IQCH: variants seen among roughly 807,000 people sequenced by gnomAD.
IQCH encodes IQ domain-containing protein H.
Under a neutral mutation model 117.0 loss-of-function variants are expected in IQCH, and 98 were observed. That is an observed-to-expected ratio of 0.84 (90% CI 0.71 to 0.99). The LOEUF (loss-of-function observed/expected upper bound fraction) is 0.99. Ranked by LOEUF, IQCH falls within the 50% of genes least tolerant of loss-of-function variation. IQCH has a pLI of 0.00. For synonymous variants in IQCH, 412 were observed against 448.2 expected, an observed-to-expected ratio of 0.92 and a Z score of 1.02; for missense variants, 1,102 against 1,243.8, an observed-to-expected ratio of 0.89 and a Z score of 1.72.
chr15:67,404,007 C>G lies in IQCH; in HGVS notation c.2097+3702C>G, dbSNP rs776817936. On this transcript the variant is annotated intron_variant, in intron 14 of 20. Transcript: ENST00000335894. This position sits in a 1 kb window ranked among gnomAD's most constrained non-coding sequence, Gnocchi z 4.6. ...TGGTCTTGGCATTACTATTTTACCA[C>G]TTAATGAGAAATAGGAAATTGAACT... 2.6e-5 allele frequency: 4 copies of G among 152,216 alleles called. No homozygotes were observed. Among genetic ancestry groups the G allele is most frequent in the Non-Finnish European group, 5.9e-5 (4 of 68,034 alleles). The allele number at this position is 152,216 out of a possible 1,614,324, so 9.4% of individuals were successfully genotyped here.
intron 14 of IQCH, among the ~76,000 whole-genome samples, chr15:67,402,173 T>C (rs1320059107): frequency 2.0e-5 from 3 of 152,242 alleles, no homozygotes; most frequent in African/African-American, 7.2e-5. Context: ...CATTTGGCAC[T>C]GTTGTTAATG....
Position 67,459,494 on chromosome 15 carries a change from G to A in IQCH, c.2506-5633G>A, listed in dbSNP as rs945650152. Among the ~76,000 whole-genome samples, 4 of 152,206 alleles carry A rather than the reference G, an allele frequency of 2.6e-5. No individual in the cohort carries two copies. Among genetic ancestry groups the A allele is most frequent in the African/African-American group, 9.6e-5 (4 of 41,452 alleles). On this transcript the variant is annotated intron_variant, in intron 16 of 20. Transcript: ENST00000335894. This position sits in a 1 kb window ranked among gnomAD's most constrained non-coding sequence, Gnocchi z 4.2. Reference sequence around the variant, plus strand: ...TCACCAGAAAGAGGCAGAAGCAGCAGGGGTGAGCAGGCAGCCTCCATCTGC... The same window carrying A: ...TCACCAGAAAGAGGCAGAAGCAGCAAGGGTGAGCAGGCAGCCTCCATCTGC...
chr15:67,261,075 A>G (rs1181688051), intron 1 of IQCH, among the ~76,000 whole-genome samples, 197 bp from the exon 2 acceptor site: 1 of 144,772 alleles, frequency 6.9e-6, no homozygotes, highest in East Asian at 2.1e-4. Flanking sequence ...CAGTCTGAGC[A>G]AGAGTGAAAT....
rs2083626706 is a variant in IQCH, at chr15:67,490,690, T to C, written c.2861+626T>C. 6.6e-6 allele frequency among the ~76,000 whole-genome samples: 1 copy of C among 152,126 alleles called. No individual in the cohort carries two copies. The highest frequency in any genetic ancestry group is 2.1e-4 in the South Asian group (1 of 4,816). Reference sequence around the variant, plus strand: ...CAGTTGTCCTGCCTGTGGAAGGCAGTTGTCATTCTGGCATACTTAGAAAAG... The same window carrying C: ...CAGTTGTCCTGCCTGTGGAAGGCAGCTGTCATTCTGGCATACTTAGAAAAG... On this transcript the variant is annotated intron_variant, in intron 19 of 20. Transcript: ENST00000335894. The surrounding 1 kb of genome is among the most constrained non-coding windows in gnomAD (Gnocchi z 4.9).
chr15:67,424,608 A>G lies in IQCH; in HGVS notation c.2505+3031A>G, dbSNP rs1197998420. On this transcript the variant is annotated intron_variant, in intron 16 of 20. Transcript: ENST00000335894. The surrounding 1 kb of genome is among the most constrained non-coding windows in gnomAD (Gnocchi z 4.9). ...TATTTGTTGACTGAATGAATGAACAATGGAGGAGTTCTAGCAGATGCTGGA... is the reference window on the plus strand; with the variant it reads ...TATTTGTTGACTGAATGAATGAACAGTGGAGGAGTTCTAGCAGATGCTGGA... Among the ~76,000 whole-genome samples, 2 of 152,208 alleles carry G rather than the reference A, an allele frequency of 1.3e-5. No individual in the cohort carries two copies. Among genetic ancestry groups the G allele is most frequent in the Non-Finnish European group, 1.5e-5 (1 of 68,032 alleles).
At chr15:67,310,914 A>T (rs1400955528) in intron 4 of IQCH, among the ~76,000 whole-genome samples, 1 of 152,156 alleles carries the variant, frequency 6.6e-6, no homozygotes, top group Non-Finnish European at 1.5e-5. Flanking sequence ...GTGATAGAAC[A>T]TCCTAAAATG....
chr15:67,357,133 A>G (rs985177763), intron 6 of IQCH, among the ~76,000 whole-genome samples: 2 of 152,200 alleles, frequency 1.3e-5, no homozygotes, highest in East Asian at 1.9e-4. Context: ...CTGACTTTGT[A>G]TTCTAATAGA....
chr15:67,306,655 CCA>C (rs1967312159), intron 4 of IQCH, among the ~76,000 whole-genome samples: 1 of 152,052 alleles, frequency 6.6e-6, no homozygotes, highest in African/African-American at 2.4e-5. Context: ...ATACCCCCTG[CCA>C]CACACACATA....
intron 16 of IQCH, among the ~76,000 whole-genome samples, chr15:67,429,222 A>G (rs147562828): frequency 3.9e-5 from 6 of 152,346 alleles, no homozygotes; most frequent in African/African-American, 1.4e-4. Context: ...AAAAGTAAAC[A>G]TGTATTATAG....
Position 67,481,574 on chromosome 15 carries a change from C to T in IQCH, c.2799+5756C>T, listed in dbSNP as rs1015902660. Reference sequence around the variant, plus strand: ...CCAAACCATATCAAGTACATATTTGCATTCAGAGAGACTCTCTCAGGAAAA... The same window carrying T: ...CCAAACCATATCAAGTACATATTTGTATTCAGAGAGACTCTCTCAGGAAAA... On this transcript the variant is annotated intron_variant, in intron 18 of 20. Transcript: ENST00000335894. This position sits in a 1 kb window ranked among gnomAD's most constrained non-coding sequence, Gnocchi z 4.1. Among the ~76,000 whole-genome samples the T allele has an allele frequency of 7.9e-5, 12 of 152,096 alleles. No homozygotes were observed. The highest frequency in any genetic ancestry group is 2.7e-4 in the African/African-American group (11 of 41,410).
In IQCH at chr15:67,465,588, T is replaced by A. The variant is rs1567211629; in HGVS notation, c.2676+291T>A. Among the ~76,000 whole-genome samples, 1 of 152,150 alleles carries A rather than the reference T, an allele frequency of 6.6e-6. No individual in the cohort carries two copies. Among genetic ancestry groups the A allele is most frequent in the Non-Finnish European group, 1.5e-5 (1 of 68,024 alleles). On this transcript the variant is annotated intron_variant, in intron 17 of 20. Coordinates refer to ENST00000335894, the MANE Select transcript of IQCH (RefSeq NM_001031715.3). The surrounding 1 kb of genome is among the most constrained non-coding windows in gnomAD (Gnocchi z 5.9). ...ACCCATTGCCTCAACTACAAGCTGT[T>A]TCACACAAAACCCATATTTTTCTAG...
chr15:67,395,686 G>A lies in IQCH; in HGVS notation c.1905+123G>A. On this transcript the variant is annotated intron_variant, in intron 13 of 20. Transcript: ENST00000335894. This position sits in a 1 kb window ranked among gnomAD's most constrained non-coding sequence, Gnocchi z 4.0. ...GAAGAATAGGTGGAATATTTGAGTT[G>A]ATTTGAGGGAATCTACTTTATTTAT... The A allele has an allele frequency of 1.8e-6, 1 of 543,876 alleles. No individual in the cohort carries two copies. The highest frequency in any genetic ancestry group is 4.0e-5 in the South Asian group (1 of 25,154). 33.7% of individuals were successfully genotyped at this position (543,876 alleles called of 1,614,324 possible). A position where few individuals can be genotyped will look rare whatever the true frequency, so the allele number is the denominator to read the frequency against.
intron 16 of IQCH, among the ~76,000 whole-genome samples, chr15:67,451,296 G>T (rs945761466): frequency 6.6e-6 from 1 of 151,964 alleles, no homozygotes; most frequent in Non-Finnish European, 1.5e-5. Context: ...TGCTTTTCTA[G>T]TTCTTTTAAT....
At chr15:67,320,687 A>G (rs1451788264) in intron 4 of IQCH, among the ~76,000 whole-genome samples, 1 of 152,188 alleles carries the variant, frequency 6.6e-6, no homozygotes, top group Non-Finnish European at 1.5e-5. Context: ...GTCTTTTATT[A>G]ATAGCTTTAC....
At chr15:67,304,061 C>T (rs533848306) in intron 4 of IQCH, among the ~76,000 whole-genome samples, 4 of 152,190 alleles carry the variant, frequency 2.6e-5, no homozygotes, top group Admixed American at 2.6e-4. Context: ...CTTTGCCCAC[C>T]TTGGTTGGCT....
rs557941152 is a variant in IQCH at position 67,430,076 on chromosome 15, A to C, written c.2505+8499A>C. Among the ~76,000 whole-genome samples the C allele has an allele frequency of 1.9e-4, 29 of 152,288 alleles. No homozygotes were observed. Among genetic ancestry groups the C allele is most frequent in the Middle Eastern group, 6.8e-3 (2 of 294 alleles). On this transcript the variant is annotated intron_variant, in intron 16 of 20. Transcript: ENST00000335894. This position sits in a 1 kb window ranked among gnomAD's most constrained non-coding sequence, Gnocchi z 5.1. ...TTTAGGTCCAGGATTTTGGTACCCT[A>C]GAAATGGGGAAATTCTAGGCCTTCA...
rs533193226 is a variant in IQCH at position 67,459,062 on chromosome 15, T to C, written c.2506-6065T>C. Among the ~76,000 whole-genome samples the C allele has an allele frequency of 1.1e-4, 16 of 152,128 alleles. No individual in the cohort carries two copies. The highest frequency in any genetic ancestry group is 2.6e-4 in the Admixed American group (4 of 15,264). On this transcript the variant is annotated intron_variant, in intron 16 of 20. Transcript: ENST00000335894. The surrounding 1 kb of genome is among the most constrained non-coding windows in gnomAD (Gnocchi z 4.2). ...CACCCAGACTACTATCCCCAGTGAG[T>C]GATTAGTTAAGGAAAGTGTGGCCCG...
At chr15:67,304,301 T>C (rs1163658167) in intron 4 of IQCH, 25 of 1,055,542 alleles carry the variant, frequency 2.4e-5, no homozygotes, top group Non-Finnish European at 3.3e-5. Context: ...GCATTTTTGT[T>C]CATCCAGCAT....
At position 67,474,787 on chromosome 15, in the gene IQCH, C is replaced by T. The variant is rs1186568439; in HGVS notation, c.2677-909C>T. 2.0e-5 allele frequency among the ~76,000 whole-genome samples: 3 copies of T among 152,140 alleles called. No individual in the cohort carries two copies. The highest frequency in any genetic ancestry group is 4.4e-5 in the Non-Finnish European group (3 of 68,018). ...CAGAGAAATCTGTAAAGTTTTTTCA[C>T]AAGCTTCAAAAGCCACTGTAGCCAG... On this transcript the variant is annotated intron_variant, in intron 17 of 20. Transcript: ENST00000335894. This position sits in a 1 kb window ranked among gnomAD's most constrained non-coding sequence, Gnocchi z 4.1.
Sources: gnomAD v4.1 joint callset for allele counts (sites outside exome capture counted in the v4.1 genomes callset) on GRCh38, gnomAD v4.1.1 for gene constraint, Gnocchi (gnomAD v3.1) non-coding constraint, MANE v1.5 for transcripts, NCBI Gene and HGNC (gene_info 2026-07-23, HGNC 2026-07-21) for gene names.